Variants in BCR observed in about 807,000 individuals in gnomAD.
BCR encodes the protein breakpoint cluster region protein.
In BCR, 58 loss-of-function variants were observed where a neutral mutation model predicts 138.6. That is an observed-to-expected ratio of 0.42 (90% CI 0.34 to 0.52). The LOEUF is 0.52. Among genes scored for constraint, BCR ranks in the 20% least tolerant of loss-of-function variants. The probability of loss-of-function intolerance (pLI) is 0.06; values close to 1 mark genes in which losing one functional copy is unlikely to be tolerated. For missense variants in BCR, 1,599 were observed against 1,727.2 expected, an observed-to-expected ratio of 0.93 and a Z score of 1.32; for synonymous variants, 786 against 730.1, an observed-to-expected ratio of 1.08 and a Z score of -1.23.
chr22:23,259,679 G>T (rs1415156504), intron 2 of BCR, among the ~76,000 whole-genome samples: 2 of 152,006 alleles, frequency 1.3e-5, no homozygotes, highest in Non-Finnish European at 2.9e-5. Flanking sequence ...ACCACACCCG[G>T]CTAATTTTTG....
intron 14 of BCR, among the ~76,000 whole-genome samples, chr22:23,291,500 G>A (rs1021041914): frequency 4.6e-5 from 7 of 151,886 alleles, no homozygotes; most frequent in African/African-American, 1.2e-4. Flanking sequence ...CCTCATAAAC[G>A]CTGGTGTTTC....
At chr22:23,296,470 C>G (rs375626319) in intron 16 of BCR, among the ~76,000 whole-genome samples, 34 of 152,180 alleles carry the variant, frequency 2.2e-4, no homozygotes, top group African/African-American at 8.2e-4. Flanking sequence ...CTGATGGATC[C>G]CACATTCTCA....
At chr22:23,314,142 A>G in intron 21 of BCR, 69 bp downstream of exon 21, 1 of 1,265,974 alleles carries the variant, frequency 7.9e-7, no homozygotes, top group Non-Finnish European at 1.1e-6. Flanking sequence ...CTCTGCTCCC[A>G]CTAGACCCCC....
chr22:23,263,486 G>C, intron 4 of BCR: 1 of 1,547,190 alleles, frequency 6.5e-7, no homozygotes, highest in Non-Finnish European at 8.9e-7. Context: ...AGATGCCCTG[G>C]ATGCAGCTAG....
intron 1 of BCR, among the ~76,000 whole-genome samples, chr22:23,208,902 A>G (rs1354010415): frequency 6.6e-6 from 1 of 151,918 alleles, no homozygotes; most frequent in Non-Finnish European, 1.5e-5. Flanking sequence ...TAGGCTTTCC[A>G]TTTCCCCTCC....
intron 8 of BCR, among the ~76,000 whole-genome samples, chr22:23,281,003 AC>A (rs1235424147): frequency 2.6e-5 from 4 of 152,212 alleles, no homozygotes; most frequent in Non-Finnish European, 5.9e-5. Flanking sequence ...AGTGAGACAC[AC>A]GGGCACACAC....
chr22:23,314,443 G>A (rs1385651330), intron 21 of BCR, 109 bp from the exon 22 acceptor site: 1 of 1,290,686 alleles, frequency 7.7e-7, no homozygotes. Flanking sequence ...TTGCAGCACA[G>A]CCAGGGTCGA....
At chr22:23,240,724 C>T (rs1042059666) in intron 1 of BCR, among the ~76,000 whole-genome samples, 10 of 151,978 alleles carry the variant, frequency 6.6e-5, no homozygotes, top group Admixed American at 3.3e-4. Flanking sequence ...TTTAAGTGTG[C>T]GGTTCAGTGG....
At chr22:23,282,323 G>A (rs777327950) in intron 8 of BCR, among the ~76,000 whole-genome samples, 22 of 152,230 alleles carry the variant, frequency 1.4e-4, no homozygotes, top group Non-Finnish European at 2.1e-4. Flanking sequence ...GTCTGCCCTC[G>A]GCAGGCGGGG....
intron 16 of BCR, among the ~76,000 whole-genome samples, chr22:23,305,014 T>C (rs776101201): frequency 1.8e-4 from 28 of 151,680 alleles, no homozygotes; most frequent in Admixed American, 7.2e-4. Flanking sequence ...CCTCAGGGGC[T>C]GAGGCAAGAG....
rs149915616 is a variant in BCR, at chr22:23,280,609, A to G, written c.2116-3368A>G. Among the ~76,000 whole-genome samples, 65 of 152,372 alleles carry G rather than the reference A, an allele frequency of 4.3e-4. 1 individual carries two copies. The highest frequency in any genetic ancestry group is 1.4e-3 in the African/African-American group (60 of 41,590). On this transcript the variant is annotated intron_variant, in intron 8 of 22. Transcript: ENST00000305877. ...CTCACCCCATCATGTTTAAGGAAAC[A>G]GAGGCTCCAAGAAATGGAGGAGCAT...
Position 23,317,335 on chromosome 22 carries a change from G to A in BCR, c.*1813G>A, listed in dbSNP as rs879999547. On this transcript the variant is annotated 3_prime_UTR_variant, in exon 23 of 23. Coordinates refer to ENST00000305877, the MANE Select transcript of BCR (RefSeq NM_004327.4). ...GCCACCATTTACAAGCAGTGTCACC[G>A]TCGTGGGTGGCGAGGACAGAACAGG... 4 of 167,116 alleles carry A rather than the reference G, an allele frequency of 2.4e-5. No homozygotes were observed. Among genetic ancestry groups the A allele is most frequent in the Non-Finnish European group, 3.4e-5 (3 of 87,380 alleles). 10.4% of individuals were successfully genotyped at this position (167,116 alleles called of 1,614,324 possible). A position where few individuals can be genotyped will look rare whatever the true frequency, so the allele number is the denominator to read the frequency against.
rs762204157 is a variant in BCR, at chr22:23,181,555, C to G, written c.595C>G (p.Arg199Gly). ...VKVNDKEVSD[R>G]ISSLGSQAMQ... is the part of the protein sequence containing the mutation. ...GGTCAACGACAAAGAGGTGTCGGACCGCATCAGCTCCCTGGGCAGCCAGGC... is the reference window on the plus strand; with the variant it reads ...GGTCAACGACAAAGAGGTGTCGGACGGCATCAGCTCCCTGGGCAGCCAGGC... Residue 199 changes from arginine (R) to glycine (G), a missense_variant, in exon 1 of 23, where the codon CGC becomes GGC. Arg to Gly is a moderately radical substitution (Grantham distance 125). Coordinates refer to ENST00000305877, the MANE Select transcript of BCR (RefSeq NM_004327.4). 9.3e-6 allele frequency: 15 copies of G among 1,612,978 alleles called. No homozygotes were observed. Among genetic ancestry groups the G allele is most frequent in the Non-Finnish European group, 1.3e-5 (15 of 1,179,986 alleles).
At chr22:23,221,820 A>C (rs1212816556) in intron 1 of BCR, among the ~76,000 whole-genome samples, 1 of 152,174 alleles carries the variant, frequency 6.6e-6, no homozygotes, top group Non-Finnish European at 1.5e-5. Flanking sequence ...AGATGGACTC[A>C]GTGGCTCACA....
At chr22:23,267,369 G>A (rs905705674) in intron 4 of BCR, among the ~76,000 whole-genome samples, 2 of 152,128 alleles carry the variant, frequency 1.3e-5, no homozygotes, top group East Asian at 1.9e-4. Context: ...CCCTTTCCTC[G>A]TACACTCTAA....
In BCR at chr22:23,181,536, C is replaced by T. The variant is rs538603300; in HGVS notation, c.576C>T (p.Asn192=). ...ACGAGCGCGGCCTGGTGAAGGTCAA[C>T]GACAAAGAGGTGTCGGACCGCATCA... The part of the protein sequence containing the change: ...FHHERGLVKV[N]DKEVSDRISS... The change falls in exon 1 of 23, where the codon AAC becomes AAT. Residue 192 remains asparagine, a synonymous_variant. Coordinates refer to ENST00000305877, the MANE Select transcript of BCR (RefSeq NM_004327.4). 27 of 1,612,850 alleles carry T rather than the reference C, an allele frequency of 1.7e-5. No homozygotes were observed. Among genetic ancestry groups the T allele is most frequent in the East Asian group, 2.2e-5 (1 of 44,872 alleles).
intron 19 of BCR, chr22:23,312,062 C>A (rs2074013925): frequency 2.3e-6 from 2 of 856,510 alleles, no homozygotes; most frequent in Non-Finnish European, 1.7e-6. Context: ...CTGGGGTAGG[C>A]CAGGGGTTTC....
intron 4 of BCR, chr22:23,263,156 G>A: frequency 2.7e-6 from 2 of 750,466 alleles, no homozygotes; most frequent in Non-Finnish European, 4.2e-6. Context: ...CAGCCAGGGA[G>A]GAGGAGGAGG....
rs113487849 is a variant in BCR, at chr22:23,289,743, A to G, written c.2707+122A>G. 1.3e-5 allele frequency: 11 copies of G among 858,684 alleles called. No individual in the cohort carries two copies. The African/African-American group carries it at 1.7e-4, about 13-fold the overall frequency. 53.2% of individuals were successfully genotyped at this position (858,684 alleles called of 1,614,324 possible). A position where few individuals can be genotyped will look rare whatever the true frequency, so the allele number is the denominator to read the frequency against. Reference sequence around the variant, plus strand: ...ACTAGTGGACTTTGGTTCAGAAGGAAGAGCTATGCTTGTTAGGGCCTCTTG... The same window carrying G: ...ACTAGTGGACTTTGGTTCAGAAGGAGGAGCTATGCTTGTTAGGGCCTCTTG... On this transcript the variant is annotated intron_variant, in intron 13 of 22. Coordinates refer to ENST00000305877, the MANE Select transcript of BCR (RefSeq NM_004327.4).
Sources: allele counts gnomAD v4.1 joint callset (sites outside exome capture counted in the v4.1 genomes callset), GRCh38; gene constraint gnomAD v4.1.1; transcripts MANE v1.5; gene names NCBI Gene and HGNC (gene_info 2026-07-23, HGNC 2026-07-21).